Variants in BSN observed in about 807,000 individuals in gnomAD.
BSN encodes the protein protein bassoon.
Under a neutral mutation model 264.8 loss-of-function variants are expected in BSN, and 57 were observed. The ratio of observed to expected loss-of-function variants is 0.22; its 90% CI spans 0.17 to 0.27. The LOEUF (loss-of-function observed/expected upper bound fraction) is 0.27. Among genes scored for constraint, BSN ranks in the 10% least tolerant of loss-of-function variants. The pLI, the probability that BSN is intolerant of heterozygous loss-of-function variation, is 1.00. For missense variants in BSN, 4,615 were observed against 5,232.5 expected (o/e 0.88, Z 3.64); for synonymous variants, 2,059 against 2,137.3 (o/e 0.96, Z 1.01).
In BSN at chr3:49,652,996, A is replaced by T; in HGVS notation, c.3440A>T (p.Tyr1147Phe). 6.2e-7 allele frequency: 1 copy of T among 1,613,396 alleles called. No individual in the cohort carries two copies. ...EALDGGPSRL[Y>F]KSGSEYNLPT... ...TTGGATGGTGGCCCTAGCCGGCTTT[A>T]CAAGTCAGGCAGTGAGTACAACCTG... The change falls in exon 5 of 12, where the codon TAC becomes TTC. Residue 1147 changes from tyrosine to phenylalanine, a missense_variant. Coordinates refer to ENST00000296452, the MANE Select transcript of BSN (RefSeq NM_003458.4).
chr3:49,662,697 G>A, intron 6 of BSN, 135 bp downstream of exon 6: 3 of 1,451,616 alleles, frequency 2.1e-6, no homozygotes. Context: ...CTGCAGGCAG[G>A]CTGCCCTTGC....
Position 49,655,451 on chromosome 3 carries a change from C to G in BSN, c.5895C>G (p.Pro1965=), listed in dbSNP as rs1267995252. The G allele has an allele frequency of 1.3e-6, 2 of 1,574,552 alleles. No homozygotes were observed. Among genetic ancestry groups the G allele is most frequent in the East Asian group, 2.2e-5 (1 of 44,500 alleles). ...YRAQGVVGPG[P]HEEQRPYPQG... ...CACAGGGGGTGGTGGGGCCTGGGCCCCATGAGGAGCAGAGGCCCTACCCAC... is the reference window on the plus strand; with the variant it reads ...CACAGGGGGTGGTGGGGCCTGGGCCGCATGAGGAGCAGAGGCCCTACCCAC... Residue 1965 remains proline (P), a synonymous_variant, in exon 5 of 12, where the codon CCC becomes CCG. Transcript: ENST00000296452.
intron 1 of BSN, among the ~76,000 whole-genome samples, chr3:49,607,212 C>G (rs2052160452): frequency 6.6e-6 from 1 of 152,190 alleles, no homozygotes; most frequent in African/African-American, 2.4e-5. Flanking sequence ...ATTTTGGCAT[C>G]AGAATCCAGG....
At chr3:49,577,590 A>G (rs2051855767) in intron 1 of BSN, among the ~76,000 whole-genome samples, 1 of 145,520 alleles carries the variant, frequency 6.9e-6, no homozygotes, top group Non-Finnish European at 1.5e-5. Context: ...CCCAGGCTGG[A>G]GCTCAGTGGC....
intron 1 of BSN, among the ~76,000 whole-genome samples, chr3:49,578,785 C>T (rs773682923): frequency 1.3e-5 from 2 of 152,106 alleles, no homozygotes; most frequent in Non-Finnish European, 2.9e-5. Flanking sequence ...ATTCTTCCCC[C>T]CTCTATCTAT....
chr3:49,578,841 A>G (rs1273699055), intron 1 of BSN, among the ~76,000 whole-genome samples: 1 of 151,990 alleles, frequency 6.6e-6, no homozygotes, highest in Admixed American at 6.6e-5. Flanking sequence ...ACCTCTCTAG[A>G]TTTGCCTATT....
intron 1 of BSN, among the ~76,000 whole-genome samples, chr3:49,573,969 A>G (rs2051819344): frequency 6.8e-6 from 1 of 146,868 alleles, no homozygotes; most frequent in Admixed American, 6.8e-5. Context: ...TCTGTTTTTG[A>G]GATGGGGTCT....
chr3:49,664,282 T>C, intron 8 of BSN, 141 bp from the exon 9 acceptor site: 4 of 1,109,382 alleles, frequency 3.6e-6, no homozygotes, highest in Middle Eastern at 4.3e-4. Flanking sequence ...CTTACCTTCT[T>C]CTCTTTATTT....
intron 1 of BSN, among the ~76,000 whole-genome samples, chr3:49,588,540 CT>C (rs1479498970): frequency 2.6e-5 from 4 of 152,120 alleles, no homozygotes; most frequent in African/African-American, 9.7e-5. Flanking sequence ...TGAAATGAAT[CT>C]TTCTTTTCTT....
chr3:49,570,380 C>T (rs898393882), intron 1 of BSN, among the ~76,000 whole-genome samples: 7 of 152,198 alleles, frequency 4.6e-5, no homozygotes, highest in Non-Finnish European at 7.3e-5. Flanking sequence ...GCCTCCACTC[C>T]GCCCCTTCCT....
intron 1 of BSN, among the ~76,000 whole-genome samples, chr3:49,614,790 C>A (rs2052246877): frequency 6.6e-6 from 1 of 152,166 alleles, no homozygotes; most frequent in Non-Finnish European, 1.5e-5. Flanking sequence ...CCTATCCTTG[C>A]TCTGGATTCT....
At chr3:49,643,288 G>C (rs1290223949) in intron 3 of BSN, 136 bp downstream of exon 3, 1 of 1,391,252 alleles carries the variant, frequency 7.2e-7, no homozygotes, top group Non-Finnish European at 9.5e-7. Context: ...ATGCTGCAGA[G>C]GGGCTGCATT....
In BSN at chr3:49,634,448, G is replaced by A. The variant is rs375195882; in HGVS notation, c.634-7820G>A. Among the ~76,000 whole-genome samples, 17 of 152,148 alleles carry A rather than the reference G, an allele frequency of 1.1e-4. No individual in the cohort carries two copies. The East Asian group carries it at 2.3e-3, about 21-fold the overall frequency. On this transcript the variant is annotated intron_variant, in intron 2 of 11. Coordinates refer to ENST00000296452, the MANE Select transcript of BSN (RefSeq NM_003458.4). ...ATTTGTTCATTTGAGATGGAGTCTC[G>A]CTTTGTCGCCCAGGCTCAAGTGCAG...
rs759893234 is a variant in BSN at position 49,663,590 on chromosome 3, C to T, written c.11432C>T (p.Ala3811Val). The T allele has an allele frequency of 1.2e-6, 2 of 1,606,438 alleles. No individual in the cohort carries two copies. Among genetic ancestry groups the T allele is most frequent in the Admixed American group, 1.7e-5 (1 of 58,846 alleles). ...AGCCAGCCAACCACCCGGGGCTCAG[C>T]CCCTGCTGCCAGCCAGCCTGCAGGG... The part of the protein sequence containing the change: ...QQSQPTTRGS[A>V]PAASQPAGKP... Residue 3811 changes from alanine to valine, a missense_variant, in exon 7 of 12, where the codon GCC becomes GTC. Physicochemically the swap from Ala to Val is moderately conservative, Grantham distance 64. Transcript: ENST00000296452.
At chr3:49,584,096 A>C (rs1373398135) in intron 1 of BSN, among the ~76,000 whole-genome samples, 3 of 151,976 alleles carry the variant, frequency 2.0e-5, no homozygotes, top group African/African-American at 7.3e-5. Context: ...CGTGTTAGCC[A>C]GGAGGGTCTC....
At chr3:49,566,804 A>G (rs2108003489) in intron 1 of BSN, among the ~76,000 whole-genome samples, 1 of 151,640 alleles carries the variant, frequency 6.6e-6, no homozygotes, top group African/African-American at 2.4e-5. Context: ...AAAAAAAAAA[A>G]AAAAAAGGAT....
chr3:49,609,345 C>T (rs2052184796), intron 1 of BSN, among the ~76,000 whole-genome samples: 1 of 151,904 alleles, frequency 6.6e-6, no homozygotes. Context: ...ACAAGCGATC[C>T]TCCCACCTCA....
chr3:49,567,904 G>T (rs1289721383), intron 1 of BSN, among the ~76,000 whole-genome samples: 1 of 152,166 alleles, frequency 6.6e-6, no homozygotes, highest in East Asian at 1.9e-4. Context: ...TTTGAGAGTC[G>T]ATGCTGGCTG....
chr3:49,639,441 G>A (rs1036729996), intron 2 of BSN, among the ~76,000 whole-genome samples: 4 of 152,018 alleles, frequency 2.6e-5, no homozygotes, highest in South Asian at 2.1e-4. Context: ...CTCATGATCC[G>A]CCCGCCTCTG....
Sources: gnomAD v4.1 joint callset for allele counts (sites outside exome capture counted in the v4.1 genomes callset) on GRCh38, gnomAD v4.1.1 for gene constraint, MANE v1.5 for transcripts, NCBI Gene and HGNC (gene_info 2026-07-23, HGNC 2026-07-21) for gene names.